The following KIAA1549 variants were observed in gnomAD, a reference collection of about 807,000 sequenced individuals.
KIAA1549 encodes KIAA1549, also known as UPF0606 protein KIAA1549.
In KIAA1549, 70 loss-of-function variants were observed where a neutral mutation model predicts 156.4. The ratio of observed to expected loss-of-function variants is 0.45; its 90% CI spans 0.37 to 0.55. The LOEUF (loss-of-function observed/expected upper bound fraction) is 0.55. KIAA1549 is among the 20% of genes least tolerant of loss of function. The pLI is 0.00. For synonymous variants in KIAA1549, 1,103 were observed against 1,066.4 expected (o/e 1.03, Z -0.67); for missense variants, 2,428 against 2,540.9 (o/e 0.96, Z 0.96).
At chr7:138,859,990 G>A (rs1474685802) in intron 16 of KIAA1549, among the ~76,000 whole-genome samples, 1 of 152,200 alleles carries the variant, frequency 6.6e-6, no homozygotes, top group African/African-American at 2.4e-5. Flanking sequence ...TCTGCCTCCA[G>A]CACCTAAGCA....
intron 5 of KIAA1549, 59 bp downstream of exon 5, chr7:138,908,932 G>A: frequency 1.3e-6 from 2 of 1,595,754 alleles, no homozygotes; most frequent in East Asian, 2.2e-5. Context: ...TAAACAATGT[G>A]GAACAATTTC....
At chr7:138,904,906 T>C in intron 7 of KIAA1549, 116 bp downstream of exon 7, 1 of 648,194 alleles carries the variant, frequency 1.5e-6, no homozygotes. Context: ...TTGCCAAGAA[T>C]GTAAGGTACA....
chr7:138,973,010 C>T (rs1324351983), intron 1 of KIAA1549, among the ~76,000 whole-genome samples: 1 of 151,986 alleles, frequency 6.6e-6, no homozygotes, highest in African/African-American at 2.4e-5. Context: ...TTAGTAATGG[C>T]GGGTTTTCAC....
chr7:138,964,944 G>GT (rs112299014), intron 1 of KIAA1549, among the ~76,000 whole-genome samples: 289 of 150,884 alleles, frequency 1.9e-3, no homozygotes, highest in Non-Finnish European at 2.8e-3. Context: ...TCATAGCAGT[G>GT]TTTTTTTTCT....
intron 1 of KIAA1549, among the ~76,000 whole-genome samples, chr7:138,940,660 A>G (rs1376648910): frequency 6.6e-6 from 1 of 152,114 alleles, no homozygotes; most frequent in African/African-American, 2.4e-5. Context: ...ATTTCTCCAC[A>G]TCCTCTCCAG....
In KIAA1549 at chr7:138,844,433, A is replaced by C. The variant is rs778235651; in HGVS notation, c.5336T>G (p.Val1779Gly). ...GPGLLQSTEL[V>G]PPDPQQPQAS... ...CTGTGGCTGCTGAGGGTCAGGGGGCACCAGCTCTGTAGACTGCAGCAAACC... is the reference window on the plus strand; with the variant it reads ...CTGTGGCTGCTGAGGGTCAGGGGGCCCCAGCTCTGTAGACTGCAGCAAACC... The change falls in exon 18 of 20, where the codon GTG becomes GGG. Residue 1779 changes from valine to glycine, a missense_variant. By Grantham distance (109) the Val-to-Gly change is moderately radical. Around this residue, in one of 5 missense-constraint regions of KIAA1549, gnomAD observed 363 missense variants for 354.0 expected, o/e 1.03. Transcript: ENST00000422774. 37 of 1,583,470 alleles carry C rather than the reference A, an allele frequency of 2.3e-5. No individual in the cohort carries two copies. Among genetic ancestry groups the C allele is most frequent in the Non-Finnish European group, 3.2e-5 (37 of 1,166,386 alleles).
intron 1 of KIAA1549, among the ~76,000 whole-genome samples, chr7:138,964,114 T>G (rs908108875): frequency 6.6e-6 from 1 of 152,242 alleles, no homozygotes; most frequent in South Asian, 2.1e-4. Context: ...TCTCTTAACC[T>G]ACGTTTGGTG....
Position 138,927,922 on chromosome 7 carries a change from C to CTTT in KIAA1549, c.188-8487_188-8485dup, listed in dbSNP as rs1200610758. On this transcript the variant is annotated intron_variant, in intron 1 of 19. Coordinates refer to ENST00000422774, the MANE Select transcript of KIAA1549 (RefSeq NM_001164665.2). ...CATGTTGCCTCTGCTATTGTCTTGT[C>CTTT]TTTTTTTTTTTTTTTTGAGACAGAG... is the stretch of plus-strand genomic sequence containing the variant. 3.4e-3 allele frequency among the ~76,000 whole-genome samples: 467 copies of CTTT among 139,160 alleles called. 6 individuals carry two copies. Among genetic ancestry groups the CTTT allele is most frequent in the African/African-American group, 0.012 (453 of 38,028 alleles). 91.3% of individuals were successfully genotyped at this position (139,160 alleles called of 152,430 possible). A position where few individuals can be genotyped will look rare whatever the true frequency, so the allele number is the denominator to read the frequency against.
At chr7:138,863,321 G>A (rs1810643081) in intron 15 of KIAA1549, among the ~76,000 whole-genome samples, 1 of 151,614 alleles carries the variant, frequency 6.6e-6, no homozygotes. Context: ...ATACTTAAAG[G>A]GGCCAACGAA....
intron 12 of KIAA1549, 135 bp from the exon 13 acceptor site, chr7:138,871,497 G>C: frequency 1.5e-6 from 1 of 655,212 alleles, no homozygotes. Flanking sequence ...TGCAGTAGCA[G>C]AGTGTTTACA....
At chr7:138,914,803 T>G (rs1046207271) in intron 2 of KIAA1549, among the ~76,000 whole-genome samples, 1 of 152,190 alleles carries the variant, frequency 6.6e-6, no homozygotes, top group Non-Finnish European at 1.5e-5. Flanking sequence ...TCCAAAGAGC[T>G]GTTAAAAATA....
intron 16 of KIAA1549, among the ~76,000 whole-genome samples, chr7:138,855,082 G>A (rs751303733): frequency 1.2e-4 from 18 of 152,128 alleles, no homozygotes; most frequent in Non-Finnish European, 4.4e-5. Context: ...GTACACTGAG[G>A]GGTGCACTGG....
At chr7:138,926,324 T>G (rs1012180832) in intron 1 of KIAA1549, among the ~76,000 whole-genome samples, 1 of 152,104 alleles carries the variant, frequency 6.6e-6, no homozygotes, top group African/African-American at 2.4e-5. Context: ...TTTTGTTGTG[T>G]CAGCCAGGCT....
At chr7:138,915,397 G>A (rs61678517) in intron 2 of KIAA1549, among the ~76,000 whole-genome samples, 11,787 of 150,894 alleles carry the variant, frequency 0.078, 574 homozygotes, top group Middle Eastern at 0.13. Context: ...CACATACTAG[G>A]TGCTCAATCA....
chr7:138,941,648 T>C (rs1243017777), intron 1 of KIAA1549, among the ~76,000 whole-genome samples: 1 of 152,230 alleles, frequency 6.6e-6, no homozygotes, highest in Non-Finnish European at 1.5e-5. Context: ...GGCTAGTTAA[T>C]GCCTTCCGCA....
At chr7:138,930,798 T>A (rs1339978490) in intron 1 of KIAA1549, among the ~76,000 whole-genome samples, 3 of 152,260 alleles carry the variant, frequency 2.0e-5, no homozygotes, top group African/African-American at 7.2e-5. Context: ...GTGTTCGTTG[T>A]GGTACTACTT....
At chr7:138,932,332 AG>A (rs921710575) in intron 1 of KIAA1549, among the ~76,000 whole-genome samples, 5 of 152,144 alleles carry the variant, frequency 3.3e-5, no homozygotes, top group African/African-American at 1.2e-4. Flanking sequence ...TTGGAGGCAG[AG>A]GGGCAGTACT....
chr7:138,916,321 C>A (rs1375364261), intron 2 of KIAA1549, among the ~76,000 whole-genome samples: 1 of 152,200 alleles, frequency 6.6e-6, no homozygotes, highest in Non-Finnish European at 1.5e-5. Context: ...CATCCATGCA[C>A]CTACTGGGTT....
chr7:138,869,996 C>A (rs145108479), intron 13 of KIAA1549, among the ~76,000 whole-genome samples: 1 of 152,050 alleles, frequency 6.6e-6, no homozygotes, highest in African/African-American at 2.4e-5. Context: ...ATTACAGACA[C>A]GCACCATCAT....
Sources: gnomAD v4.1 joint callset for allele counts (sites outside exome capture counted in the v4.1 genomes callset) on GRCh38, gnomAD v4.1.1 for gene constraint, gnomAD v4.1.1 regional missense constraint, MANE v1.5 for transcripts, NCBI Gene and HGNC (gene_info 2026-07-23, HGNC 2026-07-21) for gene names.